CELF2: variants seen among roughly 807,000 people sequenced by gnomAD.
CELF2 encodes the protein CUGBP Elav-like family member 2, also known as CUG triplet repeat RNA-binding protein 2.
In CELF2, 8 loss-of-function variants were observed where a neutral mutation model predicts 62.6. That is an observed-to-expected ratio of 0.13 (90% CI 0.07 to 0.23). CELF2 has a LOEUF of 0.23. CELF2 is among the 10% of genes least tolerant of loss of function. CELF2 has a pLI of 1.00. For synonymous variants in CELF2, 258 were observed against 250.0 expected (o/e 1.03, Z -0.30); for missense variants, 333 against 671.0 (o/e 0.50, Z 5.56).
rs652560 is a variant in CELF2, at chr10:11,159,270, T to C, written c.75-6216T>C. On this transcript the variant is annotated intron_variant, in intron 1 of 12. Transcript: ENST00000633077. This position sits in a 1 kb window ranked among gnomAD's most constrained non-coding sequence, Gnocchi z 5.0. ...GGCGTAACTGATAACCAAAACATTT[T>C]GTTAAATTTACCCAAAGTTTTCAGC... Among the ~76,000 whole-genome samples, 19,946 of 152,166 alleles carry C rather than the reference T, an allele frequency of 0.13. 2,440 individuals are homozygous for C. The highest frequency in any genetic ancestry group is 0.63 in the East Asian group (3,251 of 5,146).
At chr10:11,252,880 C>G (rs2077558673) in intron 4 of CELF2, among the ~76,000 whole-genome samples, 1 of 152,132 alleles carries the variant, frequency 6.6e-6, no homozygotes, top group South Asian at 2.1e-4. Flanking sequence ...TGTTATTTTT[C>G]CATTGCAGAA....
At chr10:10,642,878 G>A in the CELF2 span, among the ~76,000 whole-genome samples, 1 of 152,222 alleles carries the variant, frequency 6.6e-6, no homozygotes, top group East Asian at 1.9e-4. Context: ...GATATCTGCA[G>A]GCCTGGCCTG....
intron 1 of CELF2, among the ~76,000 whole-genome samples, chr10:11,040,654 C>G (rs769804775): frequency 6.6e-6 from 1 of 152,234 alleles, no homozygotes; most frequent in Admixed American, 6.5e-5. Flanking sequence ...CCGTTACCAT[C>G]CTAGGTGCTG....
At chr10:10,725,911 A>T in the CELF2 span, among the ~76,000 whole-genome samples, 1 of 152,010 alleles carries the variant, frequency 6.6e-6, no homozygotes, top group African/African-American at 2.4e-5. Context: ...AAAAAAAAAG[A>T]GTTCCAAAAC....
In CELF2 at chr10:11,333,118, C is replaced by CAGAGG. The variant is rs1168369881; in HGVS notation, c.*4067_*4071dup. ...TCAACCCACCTGCATGCATCTCCCC[C>CAGAGG]AGAGGAAACACTGAGGGTAGGGGAC... On this transcript the variant is annotated 3_prime_UTR_variant, in exon 13 of 13. Coordinates refer to ENST00000633077, the MANE Select transcript of CELF2 (RefSeq NM_001326342.2). 1 of 152,218 alleles carries CAGAGG rather than the reference C, an allele frequency of 6.6e-6. No individual in the cohort carries two copies. The highest frequency in any genetic ancestry group is 1.5e-5 in the Non-Finnish European group (1 of 68,038). 9.4% of individuals were successfully genotyped at this position (152,218 alleles called of 1,614,324 possible).
chr10:10,960,440 A>T (rs1250881854), intron 2 of CELF2: 1 of 152,258 alleles, frequency 6.6e-6, no homozygotes, highest in East Asian at 1.9e-4. Context: ...ACATTCTGTC[A>T]GATAGAAACA....
the CELF2 span, among the ~76,000 whole-genome samples, chr10:10,696,007 C>T: frequency 7.2e-5 from 11 of 152,000 alleles, no homozygotes; most frequent in East Asian, 1.9e-4. Flanking sequence ...TCTCTCAGCT[C>T]GTCAAAGTCA....
chr10:11,062,045 C>T (rs560923664), intron 1 of CELF2, among the ~76,000 whole-genome samples: 1 of 152,348 alleles, frequency 6.6e-6, no homozygotes, highest in South Asian at 2.1e-4. Context: ...CTCCTGACCT[C>T]AGGTGATCTG....
In CELF2 at chr10:11,269,647, C is replaced by T. The variant is rs1471137083; in HGVS notation, c.619-1019C>T. Among the ~76,000 whole-genome samples, 1 of 151,760 alleles carries T rather than the reference C, an allele frequency of 6.6e-6. No homozygotes were observed. Among genetic ancestry groups the T allele is most frequent in the African/African-American group, 2.4e-5 (1 of 41,344 alleles). ...TGATGAAACGTGTAGGCAAGCCACA[C>T]AAAGGAGGAGAAGAGGCTGGGGAAG... On this transcript the variant is annotated intron_variant, in intron 6 of 12. Coordinates refer to ENST00000633077, the MANE Select transcript of CELF2 (RefSeq NM_001326342.2). The surrounding 1 kb of genome is among the most constrained non-coding windows in gnomAD (Gnocchi z 4.4).
At chr10:11,081,229 A>AT (rs1464632245) in intron 1 of CELF2, among the ~76,000 whole-genome samples, 4 of 152,104 alleles carry the variant, frequency 2.6e-5, no homozygotes, top group East Asian at 1.9e-4. Flanking sequence ...AAAATGTAAG[A>AT]TTTTTTTTGA....
chr10:10,519,312 C>G, the CELF2 span, among the ~76,000 whole-genome samples: 2 of 152,116 alleles, frequency 1.3e-5, no homozygotes, highest in African/African-American at 2.4e-5. Context: ...TTGAATAAAT[C>G]TTCTATGCAA....
At chr10:10,518,645 A>G in the CELF2 span, among the ~76,000 whole-genome samples, 8 of 152,306 alleles carry the variant, frequency 5.3e-5, no homozygotes, top group South Asian at 8.3e-4. Context: ...AAAGAAGCTA[A>G]TGTTCTCAGC....
At chr10:10,899,273 G>T (rs1186441017) in intron 1 of CELF2, among the ~76,000 whole-genome samples, 1 of 152,164 alleles carries the variant, frequency 6.6e-6, no homozygotes, top group Non-Finnish European at 1.5e-5. Flanking sequence ...GAAAATTGAT[G>T]AAACTAAATG....
intron 1 of CELF2, among the ~76,000 whole-genome samples, chr10:11,069,049 C>G (rs1367111585): frequency 6.6e-6 from 1 of 152,090 alleles, no homozygotes; most frequent in East Asian, 1.9e-4. Flanking sequence ...CCCAACCATA[C>G]TAAAATAAAT....
At chr10:10,919,915 C>T (rs1052713346) in intron 1 of CELF2, 10 of 1,165,380 alleles carry the variant, frequency 8.6e-6, no homozygotes, top group Non-Finnish European at 4.3e-6. Context: ...TTTCATAATT[C>T]ACCAAAATAA....
Position 11,242,925 on chromosome 10 carries a change from C to T in CELF2, c.355-6228C>T, listed in dbSNP as rs150660349. 3.5e-3 allele frequency among the ~76,000 whole-genome samples: 533 copies of T among 152,252 alleles called. 4 individuals carry two copies. The highest frequency in any genetic ancestry group is 0.012 in the African/African-American group (506 of 41,528). On this transcript the variant is annotated intron_variant, in intron 3 of 12. Transcript: ENST00000633077. The surrounding 1 kb of genome is among the most constrained non-coding windows in gnomAD (Gnocchi z 4.8). Reference sequence around the variant, plus strand: ...ATGGCTCCTACCAGGGCGACAGGGACGGAGGCGCCGGTGGCAACTGGTGCT... The same window carrying T: ...ATGGCTCCTACCAGGGCGACAGGGATGGAGGCGCCGGTGGCAACTGGTGCT...
the CELF2 span, among the ~76,000 whole-genome samples, chr10:10,680,276 G>C: frequency 6.6e-6 from 1 of 152,154 alleles, no homozygotes; most frequent in African/African-American, 2.4e-5. Flanking sequence ...CAAGTTTAGG[G>C]ATCCCCAAGA....
chr10:10,872,616 C>T (rs1187761760), intron 1 of CELF2, among the ~76,000 whole-genome samples: 7 of 151,724 alleles, frequency 4.6e-5, no homozygotes, highest in South Asian at 4.2e-4. Context: ...AAGGCTGTGC[C>T]GACTCTAATG....
At chr10:11,254,787 C>T (rs2078182690) in intron 4 of CELF2, among the ~76,000 whole-genome samples, 1 of 152,152 alleles carries the variant, frequency 6.6e-6, no homozygotes, top group Non-Finnish European at 1.5e-5. Context: ...TTTTTACTCT[C>T]ATAAAAATGC....
Sources: allele counts gnomAD v4.1 joint callset (sites outside exome capture counted in the v4.1 genomes callset), GRCh38; gene constraint gnomAD v4.1.1; non-coding constraint Gnocchi (gnomAD v3.1); transcripts MANE v1.5; gene names NCBI Gene and HGNC (gene_info 2026-07-23, HGNC 2026-07-21).